YWHAG: variants seen among roughly 807,000 people sequenced by gnomAD.
YWHAG encodes tyrosine 3-monooxygenase/tryptophan 5-monooxygenase activation protein gamma.
A neutral mutation model predicts 23.3 loss-of-function variants in YWHAG; 1 was observed. That is an observed-to-expected ratio of 0.04 (90% confidence interval 0.02 to 0.20). YWHAG has a LOEUF of 0.20. Among genes scored for constraint, YWHAG ranks in the 10% least tolerant of loss-of-function variants. The probability of loss-of-function intolerance (pLI) is 1.00; values close to 1 mark genes in which losing one functional copy is unlikely to be tolerated. For missense variants in YWHAG, 151 were observed against 338.6 expected (o/e 0.45, Z 4.35); for synonymous variants, 160 against 144.0 (o/e 1.11, Z -0.80).
intron 1 of YWHAG, among the ~76,000 whole-genome samples, chr7:76,345,668 C>A (rs944756284): frequency 6.6e-6 from 1 of 151,968 alleles, no homozygotes; most frequent in East Asian, 1.9e-4. Context: ...TGAGGCCTGG[C>A]GCAGTGGCTC....
intron 1 of YWHAG, among the ~76,000 whole-genome samples, chr7:76,334,098 A>T (rs1349055414): frequency 6.6e-6 from 1 of 152,206 alleles, no homozygotes; most frequent in Non-Finnish European, 1.5e-5. Context: ...GCCAGTGAAA[A>T]ACTAAGTTAG....
At chr7:76,335,247 G>C (rs533673270) in intron 1 of YWHAG, among the ~76,000 whole-genome samples, 13 of 152,008 alleles carry the variant, frequency 8.6e-5, no homozygotes, top group Non-Finnish European at 1.6e-4. Flanking sequence ...TAATAGAGAC[G>C]GGGTTTCATC....
chr7:76,329,378 C>T lies in YWHAG; in HGVS notation c.*199G>A. The T allele has an allele frequency of 3.1e-6, 2 of 643,468 alleles. No individual in the cohort carries two copies. Among genetic ancestry groups the T allele is most frequent in the Non-Finnish European group, 5.2e-6 (2 of 381,878 alleles). 39.9% of individuals were successfully genotyped at this position (643,468 alleles called of 1,614,324 possible). A position where few individuals can be genotyped will look rare whatever the true frequency, so the allele number is the denominator to read the frequency against. Reference sequence around the variant, plus strand: ...CAGTGTGAGGCTGCTATTCCAATACCAGCACAGCTAGCCTGACTTTCCACT... The same window carrying T: ...CAGTGTGAGGCTGCTATTCCAATACTAGCACAGCTAGCCTGACTTTCCACT... On this transcript the variant is annotated 3_prime_UTR_variant, in exon 2 of 2. Coordinates refer to ENST00000307630, the MANE Select transcript of YWHAG (RefSeq NM_012479.4). The surrounding 1 kb of genome is among the most constrained non-coding windows in gnomAD (Gnocchi z 6.1).
rs945829515 is a variant in YWHAG, at chr7:76,358,956, G to C, written c.-148C>G. 3 of 663,108 alleles carry C rather than the reference G, an allele frequency of 4.5e-6. No individual in the cohort carries two copies. Among genetic ancestry groups the C allele is most frequent in the Non-Finnish European group, 6.8e-6 (3 of 442,686 alleles). The allele number at this position is 663,108 out of a possible 1,614,324, so 41.1% of individuals were successfully genotyped here. On this transcript the variant is annotated 5_prime_UTR_variant, in exon 1 of 2. Transcript: ENST00000307630. ...GGCGGCTGCGCGGAGGAGGCGGCTG[G>C]AGCTGCGACCGCGGGACCGGGCGCG...
chr7:76,329,486 C>CT lies in YWHAG; in HGVS notation c.*90dup. On this transcript the variant is annotated 3_prime_UTR_variant, in exon 2 of 2. Transcript: ENST00000307630. The surrounding 1 kb of genome is among the most constrained non-coding windows in gnomAD (Gnocchi z 6.1). ...TTCTCCCTGGGAAGGTCATCCCTCC[C>CT]TTTCCCTCCCCCACCCGACCCCCAA... 83 of 1,118,314 alleles carry CT rather than the reference C, an allele frequency of 7.4e-5. No individual in the cohort carries two copies. Among genetic ancestry groups the CT allele is most frequent in the Middle Eastern group, 3.4e-4 (1 of 2,922 alleles). The allele number at this position is 1,118,314 out of a possible 1,614,324, so 69.3% of individuals were successfully genotyped here. A position where few individuals can be genotyped will look rare whatever the true frequency, so the allele number is the denominator to read the frequency against.
intron 1 of YWHAG, among the ~76,000 whole-genome samples, chr7:76,354,303 G>C (rs1246147843): frequency 6.6e-6 from 1 of 152,120 alleles, no homozygotes; most frequent in Non-Finnish European, 1.5e-5. Flanking sequence ...CTGAAGTCAG[G>C]AGTTCGAGCT....
chr7:76,342,518 C>T (rs1232383489), intron 1 of YWHAG, among the ~76,000 whole-genome samples: 2 of 152,186 alleles, frequency 1.3e-5, no homozygotes, highest in East Asian at 3.8e-4. Context: ...CCTACAACTG[C>T]CATTCGCTGG....
chr7:76,357,593 A>C (rs1345497664), intron 1 of YWHAG, among the ~76,000 whole-genome samples: 2 of 152,196 alleles, frequency 1.3e-5, no homozygotes, highest in Non-Finnish European at 2.9e-5. Context: ...CCCAGACAAA[A>C]TGCGACAACT....
At chr7:76,344,548 T>C (rs1161836854) in intron 1 of YWHAG, among the ~76,000 whole-genome samples, 1 of 152,186 alleles carries the variant, frequency 6.6e-6, no homozygotes, top group Non-Finnish European at 1.5e-5. Context: ...TCAAAATTAG[T>C]TGAAAAGGTT....
rs71085403 is a variant in YWHAG at position 76,327,668 on chromosome 7, G to GCCCCCCCCCCCCCCCCCCCCC, written c.*1908_*1909insGGGGGGGGGGGGGGGGGGGGG. 70 of 47,110 alleles carry GCCCCCCCCCCCCCCCCCCCCC rather than the reference G, an allele frequency of 1.5e-3. No homozygotes were observed. The highest frequency in any genetic ancestry group is 2.3e-3 in the African/African-American group (18 of 7,896). 2.9% of individuals were successfully genotyped at this position (47,110 alleles called of 1,614,324 possible). On this transcript the variant is annotated 3_prime_UTR_variant, in exon 2 of 2. Coordinates refer to ENST00000307630, the MANE Select transcript of YWHAG (RefSeq NM_012479.4). ...AATTAGGGAAAGCCCCACCTACCCT[G>GCCCCCCCCCCCCCCCCCCCCC]CCCCCCCCCCCCTCCCCCCCCAAAT...
chr7:76,358,873 G>A lies in YWHAG; in HGVS notation c.-65C>T, dbSNP rs567386637. On this transcript the variant is annotated 5_prime_UTR_variant, in exon 1 of 2. Coordinates refer to ENST00000307630, the MANE Select transcript of YWHAG (RefSeq NM_012479.4). The stretch of plus-strand genomic sequence containing the variant: ...CTGGGGCGGCCTGAAGGGCTTGGAG[G>A]GCGCGACTGGAGCCCAAGTGCCGGA... 121 of 1,471,138 alleles carry A rather than the reference G, an allele frequency of 8.2e-5. 2 individuals are homozygous for A. In the East Asian group the frequency reaches 3.1e-3, roughly 38 times the overall value. 91.1% of individuals were successfully genotyped at this position (1,471,138 alleles called of 1,614,324 possible).
intron 1 of YWHAG, among the ~76,000 whole-genome samples, chr7:76,337,463 T>G (rs563625628): frequency 6.6e-6 from 1 of 152,178 alleles, no homozygotes; most frequent in African/African-American, 2.4e-5. Flanking sequence ...GTGATTTCCC[T>G]GGGAGAGGAC....
intron 1 of YWHAG, among the ~76,000 whole-genome samples, chr7:76,344,738 T>C (rs1023478227): frequency 1.3e-5 from 2 of 152,294 alleles, no homozygotes; most frequent in South Asian, 4.1e-4. Context: ...TAAACATTAG[T>C]TGAACTCATC....
chr7:76,347,143 C>A (rs759294228), intron 1 of YWHAG, among the ~76,000 whole-genome samples: 3 of 152,156 alleles, frequency 2.0e-5, no homozygotes, highest in Non-Finnish European at 4.4e-5. Flanking sequence ...TAGCACAGCA[C>A]CCTAGGCTTA....
At chr7:76,337,226 G>A (rs76153609) in intron 1 of YWHAG, among the ~76,000 whole-genome samples, 4,500 of 152,136 alleles carry the variant, frequency 0.03, 227 homozygotes, top group African/African-American at 0.1. Context: ...ATTTAGGGAG[G>A]GTTCCCACCA....
chr7:76,345,335 G>A (rs553601831), intron 1 of YWHAG, among the ~76,000 whole-genome samples: 1 of 151,870 alleles, frequency 6.6e-6, no homozygotes, highest in Non-Finnish European at 1.5e-5. Flanking sequence ...ACAGGCACCC[G>A]CCACAATGCC....
At position 76,329,490 on chromosome 7, in the gene YWHAG, C is replaced by CCG; in HGVS notation, c.*86_*87insCG. 4.8e-6 allele frequency: 2 copies of CCG among 414,990 alleles called. No individual in the cohort carries two copies. The highest frequency in any genetic ancestry group is 9.3e-6 in the Non-Finnish European group (2 of 214,868). The allele number at this position is 414,990 out of a possible 1,614,324, so 25.7% of individuals were successfully genotyped here. On this transcript the variant is annotated 3_prime_UTR_variant, in exon 2 of 2. Coordinates refer to ENST00000307630, the MANE Select transcript of YWHAG (RefSeq NM_012479.4). This position sits in a 1 kb window ranked among gnomAD's most constrained non-coding sequence, Gnocchi z 6.1. ...CCCTGGGAAGGTCATCCCTCCCTTT[C>CCG]CCTCCCCCACCCGACCCCCAACTCA...
Position 76,358,981 on chromosome 7 carries a change from G to T in YWHAG, c.-173C>A. 1 of 518,228 alleles carries T rather than the reference G, an allele frequency of 1.9e-6. No individual in the cohort carries two copies. The highest frequency in any genetic ancestry group is 3.2e-6 in the Non-Finnish European group (1 of 314,608). 32.1% of individuals were successfully genotyped at this position (518,228 alleles called of 1,614,324 possible). A position where few individuals can be genotyped will look rare whatever the true frequency, so the allele number is the denominator to read the frequency against. On this transcript the variant is annotated 5_prime_UTR_variant, in exon 1 of 2. Transcript: ENST00000307630. ...GAGCTGCGACCGCGGGACCGGGCGC[G>T]AGGCGGCTGCGGCTGCTGTGCGTGC...
chr7:76,339,037 A>C (rs1172759949), intron 1 of YWHAG, among the ~76,000 whole-genome samples: 1 of 152,258 alleles, frequency 6.6e-6, no homozygotes, highest in Non-Finnish European at 1.5e-5. Flanking sequence ...CTACAATTGA[A>C]GCTTAAAGCC....
Sources: gnomAD v4.1 joint callset for allele counts (sites outside exome capture counted in the v4.1 genomes callset) on GRCh38, gnomAD v4.1.1 for gene constraint, Gnocchi (gnomAD v3.1) non-coding constraint, MANE v1.5 for transcripts, NCBI Gene and HGNC (gene_info 2026-07-23, HGNC 2026-07-21) for gene names.